MAGI3: variants seen among roughly 807,000 people sequenced by gnomAD.
MAGI3 encodes the protein membrane-associated guanylate kinase, WW and PDZ domain-containing protein 3.
A neutral mutation model predicts 121.8 loss-of-function variants in MAGI3; 43 were observed. That is an observed-to-expected ratio of 0.35 (90% CI 0.28 to 0.46). The LOEUF is 0.46. Among genes scored for constraint, MAGI3 ranks in the 20% least tolerant of loss-of-function variants. The pLI is 1.00. For missense variants in MAGI3, 1,547 were observed against 1,797.3 expected (o/e 0.86, Z 2.52); for synonymous variants, 553 against 639.3 (o/e 0.86, Z 2.04).
intron 7 of MAGI3, among the ~76,000 whole-genome samples, chr1:113,618,039 T>C (rs1289618169): frequency 2.0e-5 from 3 of 152,156 alleles, no homozygotes; most frequent in Non-Finnish European, 4.4e-5. Flanking sequence ...ATTCCTTTTT[T>C]TGAAAGTGTT....
chr1:113,406,978 T>C (rs1027570282), intron 1 of MAGI3, among the ~76,000 whole-genome samples: 17 of 152,188 alleles, frequency 1.1e-4, no homozygotes, highest in African/African-American at 3.9e-4. Flanking sequence ...AACACAAATA[T>C]GAGAACCTGG....
intron 1 of MAGI3, among the ~76,000 whole-genome samples, chr1:113,504,863 A>G (rs1163014527): frequency 6.6e-6 from 1 of 152,198 alleles, no homozygotes; most frequent in African/African-American, 2.4e-5. Flanking sequence ...TTATATTACT[A>G]TCACAAAAAG....
chr1:113,590,283 A>G (rs576725123), intron 4 of MAGI3, among the ~76,000 whole-genome samples: 10 of 152,266 alleles, frequency 6.6e-5, no homozygotes, highest in Admixed American at 3.3e-4. Context: ...CAGAGGTGCT[A>G]TACAGAGTTA....
At chr1:113,436,134 T>C (rs1200141581) in intron 1 of MAGI3, among the ~76,000 whole-genome samples, 1 of 152,150 alleles carries the variant, frequency 6.6e-6, no homozygotes, top group Admixed American at 6.5e-5. Flanking sequence ...TAACATATTA[T>C]AAATTATCTT....
chr1:113,652,355 A>C (rs1653220274), intron 14 of MAGI3, among the ~76,000 whole-genome samples: 1 of 152,242 alleles, frequency 6.6e-6, no homozygotes, highest in Admixed American at 6.5e-5. Flanking sequence ...AGTGGACATT[A>C]ATAAATGTTG....
chr1:113,421,134 T>C (rs1206620376), intron 1 of MAGI3, among the ~76,000 whole-genome samples: 1 of 152,194 alleles, frequency 6.6e-6, no homozygotes, highest in Middle Eastern at 3.2e-3. Flanking sequence ...TTACCTTTTT[T>C]CCCTGAGGCT....
chr1:113,595,987 C>T (rs183675024), intron 6 of MAGI3, among the ~76,000 whole-genome samples: 62 of 151,814 alleles, frequency 4.1e-4, no homozygotes, highest in African/African-American at 1.5e-3. Flanking sequence ...ACCATGATCA[C>T]GCCACTGCAC....
chr1:113,557,713 C>T (rs1051145212), intron 2 of MAGI3, among the ~76,000 whole-genome samples: 1 of 152,194 alleles, frequency 6.6e-6, no homozygotes, highest in Admixed American at 6.5e-5. Flanking sequence ...CAACACAACT[C>T]CTTTACCAAA....
At chr1:113,611,452 C>G (rs1366469939) in intron 6 of MAGI3, among the ~76,000 whole-genome samples, 1 of 152,066 alleles carries the variant, frequency 6.6e-6, no homozygotes, top group Non-Finnish European at 1.5e-5. Context: ...AGCTAGAAAC[C>G]TGGGAATCAT....
At chr1:113,575,628 C>A (rs756830251) in intron 2 of MAGI3, among the ~76,000 whole-genome samples, 1 of 152,222 alleles carries the variant, frequency 6.6e-6, no homozygotes, top group Non-Finnish European at 1.5e-5. Context: ...TGTCTGTTGA[C>A]TCCTACTGGG....
intron 9 of MAGI3, among the ~76,000 whole-genome samples, chr1:113,637,728 G>A (rs1172196022): frequency 6.6e-6 from 1 of 152,198 alleles, no homozygotes; most frequent in South Asian, 2.1e-4. Flanking sequence ...TCTTCTCGAG[G>A]AGTATCTTTG....
chr1:113,462,978 A>G (rs1336739423), intron 1 of MAGI3, among the ~76,000 whole-genome samples: 1 of 152,156 alleles, frequency 6.6e-6, no homozygotes, highest in Non-Finnish European at 1.5e-5. Context: ...CCCATATGGT[A>G]ATTGCAAGAC....
chr1:113,446,064 A>C (rs1304895249), intron 1 of MAGI3, among the ~76,000 whole-genome samples: 2 of 152,256 alleles, frequency 1.3e-5, no homozygotes, highest in East Asian at 3.8e-4. Context: ...ATTTAAGAGT[A>C]ATACATTAAG....
intron 15 of MAGI3, 82 bp downstream of exon 15, chr1:113,654,100 A>T (rs1161923530): frequency 5.2e-6 from 6 of 1,143,978 alleles, no homozygotes; most frequent in Non-Finnish European, 7.4e-6. Context: ...AATAATTAGG[A>T]GCTATGTATA....
chr1:113,446,113 CT>C (rs1418865323), intron 1 of MAGI3, among the ~76,000 whole-genome samples: 1 of 152,122 alleles, frequency 6.6e-6, no homozygotes, highest in Non-Finnish European at 1.5e-5. Flanking sequence ...ATTATTGTCA[CT>C]TTGGTTTGTA....
intron 6 of MAGI3, among the ~76,000 whole-genome samples, chr1:113,609,917 C>T (rs1174342638): frequency 1.3e-5 from 2 of 152,148 alleles, no homozygotes; most frequent in Admixed American, 6.5e-5. Flanking sequence ...CCCTAACCCT[C>T]CCCATAGTTT....
chr1:113,638,077 C>A (rs190294678), intron 9 of MAGI3, among the ~76,000 whole-genome samples: 6 of 152,340 alleles, frequency 3.9e-5, no homozygotes, highest in Admixed American at 6.5e-5. Context: ...GCTTTCAGCT[C>A]CATCAGCTCC....
intron 4 of MAGI3, among the ~76,000 whole-genome samples, chr1:113,587,476 G>A (rs1217208): frequency 0.74 from 112,086 of 152,140 alleles, 41,827 homozygotes; most frequent in African/African-American, 0.78. Context: ...GATTACAGGC[G>A]TGAGCCACCG....
intron 1 of MAGI3, among the ~76,000 whole-genome samples, chr1:113,467,407 T>C (rs778230325): frequency 4.5e-4 from 69 of 152,196 alleles, no homozygotes; most frequent in Non-Finnish European, 9.1e-4. Context: ...ATGAGAAGAA[T>C]GTATTCTGCT....
Sources: gnomAD v4.1 joint callset for allele counts (sites outside exome capture counted in the v4.1 genomes callset) on GRCh38, gnomAD v4.1.1 for gene constraint, MANE v1.5 for transcripts, NCBI Gene and HGNC (gene_info 2026-07-23, HGNC 2026-07-21) for gene names.